Variants in EBPL observed in about 807,000 individuals in gnomAD.
The protein encoded by EBPL is EBP like.
EBPL carries 20 observed loss-of-function variants against 19.0 expected under a neutral mutation model. The ratio of observed to expected loss-of-function variants is 1.05; its 90% confidence interval spans 0.74 to 1.53. The LOEUF is 1.53. Ranked by LOEUF, EBPL falls within the 40% of genes most tolerant of loss-of-function variation. The probability of loss-of-function intolerance (pLI) is 0.00; values close to 1 mark genes in which losing one functional copy is unlikely to be tolerated. For missense variants in EBPL, 219 were observed against 261.1 expected, an observed-to-expected ratio of 0.84 and a Z score of 1.11; for synonymous variants, 107 against 117.0, an observed-to-expected ratio of 0.91 and a Z score of 0.55.
intron 1 of EBPL, among the ~76,000 whole-genome samples, chr13:49,671,347 C>T (rs755186581): frequency 2.0e-5 from 3 of 152,094 alleles, no homozygotes; most frequent in Admixed American, 2.0e-4. Context: ...CCATGTGGGC[C>T]AGGCTGGTCT....
intron 2 of EBPL, among the ~76,000 whole-genome samples, chr13:49,669,168 C>T (rs531484628): frequency 6.6e-6 from 1 of 152,276 alleles, no homozygotes; most frequent in South Asian, 2.1e-4. Context: ...CGTGAGCCAC[C>T]ATGCCCGGCC....
At chr13:49,668,153 A>G (rs1953760943) in intron 2 of EBPL, 1 of 153,072 alleles carries the variant, frequency 6.5e-6, no homozygotes, top group South Asian at 2.0e-4. Flanking sequence ...GGCATCAAAG[A>G]TGACACCTTT....
At chr13:49,663,724 TC>T (rs1304641413) in intron 2 of EBPL, among the ~76,000 whole-genome samples, 1 of 132,092 alleles carries the variant, frequency 7.6e-6, no homozygotes, top group African/African-American at 2.9e-5. Context: ...GATCACGAGG[TC>T]AGGAGATCGA....
chr13:49,688,725 A>C (rs1485121374), intron 1 of EBPL, among the ~76,000 whole-genome samples: 1 of 151,524 alleles, frequency 6.6e-6, no homozygotes, highest in Non-Finnish European at 1.5e-5. Flanking sequence ...TCTCAAAAAA[A>C]AAAAAAAAAA....
At chr13:49,670,741 CT>C (rs2137491821) in intron 1 of EBPL, among the ~76,000 whole-genome samples, 1 of 152,266 alleles carries the variant, frequency 6.6e-6, no homozygotes, top group Admixed American at 6.5e-5. Flanking sequence ...ATATATTATT[CT>C]ATTACTTACA....
At chr13:49,678,377 A>G (rs902210882) in intron 1 of EBPL, among the ~76,000 whole-genome samples, 2 of 152,188 alleles carry the variant, frequency 1.3e-5, no homozygotes, top group Non-Finnish European at 2.9e-5. Context: ...GTCGCTGCGG[A>G]GCAGGGGGCA....
At chr13:49,673,352 T>C (rs568132532) in intron 1 of EBPL, among the ~76,000 whole-genome samples, 2 of 152,258 alleles carry the variant, frequency 1.3e-5, no homozygotes, top group East Asian at 1.9e-4. Context: ...CGAATGTTCA[T>C]AGCAGCTTTA....
intron 2 of EBPL, among the ~76,000 whole-genome samples, chr13:49,665,849 G>A (rs1015608124): frequency 3.9e-5 from 6 of 152,128 alleles, no homozygotes; most frequent in African/African-American, 1.4e-4. Context: ...GGCGGTTAGC[G>A]AATATGAGGG....
intron 3 of EBPL, 131 bp downstream of exon 3, chr13:49,662,926 G>A (rs951526445): frequency 2.3e-5 from 29 of 1,236,516 alleles, no homozygotes; most frequent in Admixed American, 1.0e-4. Flanking sequence ...GGGAGCCACC[G>A]CGCCCAGCCT....
chr13:49,661,057 G>A lies in EBPL; in HGVS notation c.532C>T (p.Leu178=), dbSNP rs1229493230. Residue 178 remains leucine (L), a synonymous_variant, in exon 4 of 4, where the codon CTG becomes TTG. Coordinates refer to ENST00000242827, the MANE Select transcript of EBPL (RefSeq NM_032565.5). ...TGCCACAGTAGCAGTCCTGGGATCA[G>A]AACCCACACACCGTTAAAAAAAAAC... ...YLFFFNGVWV[L]IPGLLLWQSW... The A allele has an allele frequency of 6.2e-7, 1 of 1,613,992 alleles. No individual in the cohort carries two copies. The highest frequency in any genetic ancestry group is 8.5e-7 in the Non-Finnish European group (1 of 1,180,034).
intron 1 of EBPL, among the ~76,000 whole-genome samples, chr13:49,679,123 CT>C (rs1426758401): frequency 2.6e-5 from 4 of 152,078 alleles, no homozygotes; most frequent in African/African-American, 9.7e-5. Context: ...CCAAAATTAT[CT>C]GTGGAATTGT....
intron 2 of EBPL, among the ~76,000 whole-genome samples, chr13:49,663,433 A>G (rs888306148): frequency 2.4e-4 from 37 of 152,322 alleles, no homozygotes; most frequent in African/African-American, 8.7e-4. Flanking sequence ...AGTTTCCAGC[A>G]TGCTTTCACA....
At chr13:49,691,088 CCG>C (rs1468106630) in intron 1 of EBPL, among the ~76,000 whole-genome samples, 164 bp downstream of exon 1, 3 of 152,214 alleles carry the variant, frequency 2.0e-5, no homozygotes, top group Non-Finnish European at 4.4e-5. Context: ...AATCAGAACT[CCG>C]GCCGCCGCGG....
chr13:49,689,703 C>A (rs1025744309), intron 1 of EBPL, among the ~76,000 whole-genome samples: 1 of 152,134 alleles, frequency 6.6e-6, no homozygotes, highest in African/African-American at 2.4e-5. Context: ...TATACCCAGC[C>A]AATATGTTAC....
intron 2 of EBPL, among the ~76,000 whole-genome samples, chr13:49,663,854 G>T (rs56165951): frequency 2.6e-5 from 4 of 151,934 alleles, no homozygotes; most frequent in African/African-American, 9.7e-5. Flanking sequence ...GAACCCAGGA[G>T]GCGGAGCTTG....
intron 1 of EBPL, among the ~76,000 whole-genome samples, chr13:49,679,926 G>A (rs1953924406): frequency 6.6e-6 from 1 of 152,158 alleles, no homozygotes; most frequent in African/African-American, 2.4e-5. Context: ...GAATGAATAA[G>A]TAATAAGGAG....
chr13:49,686,511 G>C (rs960053448), intron 1 of EBPL: 1 of 1,289,272 alleles, frequency 7.8e-7, no homozygotes, highest in Non-Finnish European at 1.0e-6. Context: ...TGGTGCTACA[G>C]CAATTTATCA....
intron 1 of EBPL, among the ~76,000 whole-genome samples, chr13:49,690,161 CAA>C (rs1235351097): frequency 5.2e-5 from 1 of 19,116 alleles, no homozygotes; most frequent in Non-Finnish European, 1.3e-4. Flanking sequence ...AGAACAACAA[CAA>C]AAAAAAAGAC....
At chr13:49,678,520 A>T (rs1387538994) in intron 1 of EBPL, among the ~76,000 whole-genome samples, 1 of 152,118 alleles carries the variant, frequency 6.6e-6, no homozygotes, top group Non-Finnish European at 1.5e-5. Context: ...AGTGATGGGG[A>T]ACCCAGCTCA....
Sources: allele counts gnomAD v4.1 joint callset (sites outside exome capture counted in the v4.1 genomes callset), GRCh38; gene constraint gnomAD v4.1.1; transcripts MANE v1.5; gene names NCBI Gene and HGNC (gene_info 2026-07-23, HGNC 2026-07-21).